CGNL1: variants seen among roughly 807,000 people sequenced by gnomAD.
CGNL1 encodes cingulin-like protein 1.
CGNL1 carries 132 observed loss-of-function variants against 141.2 expected under a neutral mutation model. The observed-to-expected ratio is 0.93, with a 90% CI of 0.81 to 1.08. The LOEUF is 1.08. Among genes scored for constraint, CGNL1 ranks in the 50% least tolerant of loss-of-function variants. CGNL1 has a pLI of 0.00. For missense variants in CGNL1, 1,870 were observed against 1,588.6 expected (o/e 1.18, Z -3.01); for synonymous variants, 690 against 622.1 (o/e 1.11, Z -1.63).
At chr15:57,424,520 G>A (rs1414291006) in intron 1 of CGNL1, among the ~76,000 whole-genome samples, 1 of 152,202 alleles carries the variant, frequency 6.6e-6, no homozygotes, top group African/African-American at 2.4e-5. Flanking sequence ...GAACTTGTTA[G>A]TAATTACATA....
rs756169055 is a variant in CGNL1 at position 57,516,948 on chromosome 15, G to C, written c.2572G>C (p.Asp858His). 6.2e-7 allele frequency: 1 copy of C among 1,613,866 alleles called. No individual in the cohort carries two copies. The highest frequency in any genetic ancestry group is 8.5e-7 in the Non-Finnish European group (1 of 1,180,016). ...AAGGCAGATCGAGGACCTGAAAGGC[G>C]ATGAAGCCAAGGCGAAGGAAACGCT... Reference protein sequence around the residue: ...LQRQIEDLKGDEAKAKETLKK... With the variant: ...LQRQIEDLKGHEAKAKETLKK... The change falls in exon 9 of 19, where the codon GAT (aspartate) becomes CAT (histidine). Residue 858 changes from aspartate to histidine, a missense_variant. Coordinates refer to ENST00000281282, the MANE Select transcript of CGNL1 (RefSeq NM_032866.5).
At chr15:57,529,777 C>T (rs1213370410) in intron 13 of CGNL1, among the ~76,000 whole-genome samples, 1 of 152,196 alleles carries the variant, frequency 6.6e-6, no homozygotes, top group African/African-American at 2.4e-5. Context: ...CAATGGAATT[C>T]CTGATTCAAC....
chr15:57,430,731 C>CT (rs1394906584), intron 1 of CGNL1, among the ~76,000 whole-genome samples: 1 of 152,010 alleles, frequency 6.6e-6, no homozygotes, highest in Non-Finnish European at 1.5e-5. Context: ...TCCACATTTT[C>CT]TTTTTTGAGA....
intron 8 of CGNL1, among the ~76,000 whole-genome samples, chr15:57,486,736 G>C (rs2063790346): frequency 6.6e-6 from 1 of 152,202 alleles, no homozygotes; most frequent in African/African-American, 2.4e-5. Flanking sequence ...TGTTGAATCT[G>C]ACCGTGTTGA....
intron 12 of CGNL1, 34 bp downstream of exon 12, chr15:57,524,785 C>G: frequency 6.2e-7 from 1 of 1,603,238 alleles, no homozygotes; most frequent in African/African-American, 1.3e-5. Flanking sequence ...TTCCTTTATC[C>G]CTTATTCAAA....
At chr15:57,459,577 G>A (rs563864870) in intron 7 of CGNL1, among the ~76,000 whole-genome samples, 37 of 152,296 alleles carry the variant, frequency 2.4e-4, no homozygotes, top group Middle Eastern at 3.4e-3. Flanking sequence ...AAGATGCTGC[G>A]TGGATTGCCA....
intron 8 of CGNL1, among the ~76,000 whole-genome samples, chr15:57,472,554 C>G (rs1156315536): frequency 6.6e-6 from 1 of 152,120 alleles, no homozygotes; most frequent in African/African-American, 2.4e-5. Flanking sequence ...TGGGATGATT[C>G]GTTCATGCTG....
chr15:57,482,911 A>G (rs2063743392), intron 8 of CGNL1, among the ~76,000 whole-genome samples: 1 of 151,838 alleles, frequency 6.6e-6, no homozygotes, highest in African/African-American at 2.4e-5. Flanking sequence ...CAACCTCCCA[A>G]GTAGCTGGGA....
chr15:57,498,162 G>C (rs2063968888), intron 8 of CGNL1, among the ~76,000 whole-genome samples: 1 of 150,588 alleles, frequency 6.6e-6, no homozygotes, highest in Non-Finnish European at 1.5e-5. Flanking sequence ...TTGGGTTCTT[G>C]TCTCCACTAT....
chr15:57,443,147 C>A (rs1292283833), intron 4 of CGNL1, among the ~76,000 whole-genome samples: 1 of 152,172 alleles, frequency 6.6e-6, no homozygotes, highest in African/African-American at 2.4e-5. Flanking sequence ...CACTGATCAG[C>A]TGTGGTGCAG....
chr15:57,478,653 CT>C (rs1567143222), intron 8 of CGNL1, among the ~76,000 whole-genome samples: 1 of 151,980 alleles, frequency 6.6e-6, no homozygotes, highest in African/African-American at 2.4e-5. Flanking sequence ...AGGGTAGATT[CT>C]TTTTTTGAGA....
intron 4 of CGNL1, among the ~76,000 whole-genome samples, chr15:57,446,453 T>C (rs1358981709): frequency 6.6e-6 from 1 of 152,286 alleles, no homozygotes; most frequent in Non-Finnish European, 1.5e-5. Flanking sequence ...TTTACATACA[T>C]AAAATTTTAC....
chr15:57,432,293 A>G (rs1270350858), intron 1 of CGNL1, among the ~76,000 whole-genome samples: 1 of 152,190 alleles, frequency 6.6e-6, no homozygotes, highest in African/African-American at 2.4e-5. Context: ...ACTGAGAATT[A>G]GAGTTGTGGG....
intron 1 of CGNL1, among the ~76,000 whole-genome samples, chr15:57,395,213 G>A (rs72738039): frequency 0.16 from 25,035 of 152,226 alleles, 2,398 homozygotes; most frequent in Middle Eastern, 0.22. Flanking sequence ...TAGTCAACTT[G>A]AATAACTTTT....
At chr15:57,382,727 C>T (rs969756395) in intron 1 of CGNL1, among the ~76,000 whole-genome samples, 10 of 152,050 alleles carry the variant, frequency 6.6e-5, no homozygotes, top group Admixed American at 6.6e-4. Flanking sequence ...ATTTATAGTC[C>T]ACATAGGGAA....
At chr15:57,498,358 TC>T (rs34622421) in intron 8 of CGNL1, among the ~76,000 whole-genome samples, 23,909 of 148,956 alleles carry the variant, frequency 0.16, 2,085 homozygotes, top group Non-Finnish European at 0.21. Context: ...CAAGCGATTC[TC>T]CCACCTCAGC....
chr15:57,419,661 A>G (rs749985497), intron 1 of CGNL1, among the ~76,000 whole-genome samples: 2 of 152,226 alleles, frequency 1.3e-5, no homozygotes, highest in African/African-American at 4.8e-5. Context: ...GGAAGACCAC[A>G]GAGATAAAGC....
chr15:57,377,517 C>T (rs1229371206), intron 1 of CGNL1, among the ~76,000 whole-genome samples: 1 of 152,174 alleles, frequency 6.6e-6, no homozygotes, highest in Non-Finnish European at 1.5e-5. Context: ...AGCCACTCTT[C>T]GGACGGCTCA....
At position 57,424,863 on chromosome 15, in the gene CGNL1, T is replaced by C. The variant is rs534684975; in HGVS notation, c.-15-13122T>C. ...ACTATTGAAGTCCCTGTTCACACCA[T>C]ATAAGGTGATACAGTTTCAGCAAAA... On this transcript the variant is annotated intron_variant, in intron 1 of 18. Transcript: ENST00000281282. Among the ~76,000 whole-genome samples, 8 of 152,342 alleles carry C rather than the reference T, an allele frequency of 5.3e-5. No individual in the cohort carries two copies. The East Asian group carries it at 7.7e-4, about 15-fold the overall frequency.
Sources: gnomAD v4.1 joint callset for allele counts (sites outside exome capture counted in the v4.1 genomes callset) on GRCh38, gnomAD v4.1.1 for gene constraint, MANE v1.5 for transcripts, NCBI Gene and HGNC (gene_info 2026-07-23, HGNC 2026-07-21) for gene names.